Variants in VAV2 observed in about 807,000 individuals in gnomAD.
VAV2 encodes the protein guanine nucleotide exchange factor VAV2.
A neutral mutation model predicts 132.5 loss-of-function variants in VAV2; 67 were observed. The observed-to-expected ratio is 0.51, with a 90% CI of 0.42 to 0.62. The LOEUF (loss-of-function observed/expected upper bound fraction) is 0.62. Among genes scored for constraint, VAV2 ranks in the 20% least tolerant of loss-of-function variants. The pLI, the probability that VAV2 is intolerant of heterozygous loss-of-function variation, is 0.00. For missense variants in VAV2, 938 were observed against 1,153.6 expected (o/e 0.81, Z 2.71); for synonymous variants, 492 against 443.5 (o/e 1.11, Z -1.37).
chr9:133,867,285 GC>G (rs1378439498), intron 2 of VAV2, among the ~76,000 whole-genome samples: 1 of 152,224 alleles, frequency 6.6e-6, no homozygotes, highest in Non-Finnish European at 1.5e-5. Context: ...AGCCCATCTC[GC>G]CAGGTGGTGC....
intron 2 of VAV2, among the ~76,000 whole-genome samples, chr9:133,889,714 C>A (rs1026761079): frequency 2.6e-5 from 4 of 151,918 alleles, no homozygotes; most frequent in Admixed American, 2.0e-4. Context: ...GGGCACCCAA[C>A]GAGGCTCGGC....
chr9:133,892,472 CTGGGGAGGAGACAGAATTAA>C (rs1401719641), intron 2 of VAV2, among the ~76,000 whole-genome samples: 6 of 151,970 alleles, frequency 3.9e-5, no homozygotes, highest in African/African-American at 1.5e-4. Context: ...TATAAGCACA[CTGGGGAGGAGACAGAATTAA>C]GTCACTTGGC....
intron 2 of VAV2, among the ~76,000 whole-genome samples, chr9:133,870,637 C>T (rs980474722): frequency 6.6e-6 from 1 of 152,098 alleles, no homozygotes; most frequent in Non-Finnish European, 1.5e-5. Context: ...TTGTGTCTTA[C>T]ACTCTGTGGG....
At chr9:133,888,728 G>A (rs970778689) in intron 2 of VAV2, among the ~76,000 whole-genome samples, 3 of 152,206 alleles carry the variant, frequency 2.0e-5, no homozygotes, top group African/African-American at 7.2e-5. Context: ...TTAGTATCAT[G>A]AGCCTGAGCC....
intron 4 of VAV2, among the ~76,000 whole-genome samples, chr9:133,832,766 C>G (rs927254363): frequency 1.3e-5 from 2 of 152,098 alleles, no homozygotes; most frequent in Non-Finnish European, 2.9e-5. Flanking sequence ...ACCATGTTGG[C>G]CAGACTGGTC....
At chr9:133,980,592 G>A (rs990370892) in intron 1 of VAV2, among the ~76,000 whole-genome samples, 1 of 152,148 alleles carries the variant, frequency 6.6e-6, no homozygotes, top group Non-Finnish European at 1.5e-5. Context: ...CTTCTATCAC[G>A]CATCTCCCTG....
At chr9:133,954,909 A>G (rs1346627716) in intron 1 of VAV2, among the ~76,000 whole-genome samples, 1 of 152,198 alleles carries the variant, frequency 6.6e-6, no homozygotes, top group Non-Finnish European at 1.5e-5. Flanking sequence ...TCTGAACTCC[A>G]AACAGGTGGA....
At chr9:133,865,251 A>G (rs1488967708) in intron 2 of VAV2, among the ~76,000 whole-genome samples, 1 of 152,256 alleles carries the variant, frequency 6.6e-6, no homozygotes, top group African/African-American at 2.4e-5. Context: ...TAGACTGCGG[A>G]TTCACTGTAG....
At chr9:133,907,312 A>C in intron 2 of VAV2, among the ~76,000 whole-genome samples, 1 of 152,162 alleles carries the variant, frequency 6.6e-6, no homozygotes, top group East Asian at 1.9e-4. Flanking sequence ...CTCAGGCCAC[A>C]CCAGAGGAAG....
chr9:133,793,203 C>T (rs1834565997), intron 12 of VAV2, among the ~76,000 whole-genome samples: 1 of 152,176 alleles, frequency 6.6e-6, no homozygotes. Context: ...GTCCAGAAAA[C>T]GCAGTGTCCA....
chr9:133,985,439 C>T (rs752285372), intron 1 of VAV2, among the ~76,000 whole-genome samples: 3 of 152,086 alleles, frequency 2.0e-5, no homozygotes, highest in Non-Finnish European at 4.4e-5. Flanking sequence ...GTGCCACCAC[C>T]CCCGGCTAAT....
intron 1 of VAV2, among the ~76,000 whole-genome samples, chr9:133,947,134 C>A (rs1157546039): frequency 6.6e-6 from 1 of 152,194 alleles, no homozygotes; most frequent in Admixed American, 6.5e-5. Context: ...ACGTCAGGGG[C>A]CCCCAAGGAC....
At position 133,798,937 on chromosome 9, in the gene VAV2, C is replaced by T. The variant is rs1396273709; in HGVS notation, c.837-1128G>A. 2.0e-5 allele frequency among the ~76,000 whole-genome samples: 3 copies of T among 152,184 alleles called. 1 individual carries two copies. The highest frequency in any genetic ancestry group is 2.0e-4 in the Admixed American group (3 of 15,282). The stretch of plus-strand genomic sequence containing the variant: ...TTGGTGTCTGGAGGCTCCCCTGGCC[C>T]GGGAAGCCCAGGGCAGGCTCTTGGG... On this transcript the variant is annotated intron_variant, in intron 9 of 29. Transcript: ENST00000371850.
At chr9:133,805,377 G>A (rs1425939683) in intron 9 of VAV2, among the ~76,000 whole-genome samples, 1 of 152,152 alleles carries the variant, frequency 6.6e-6, no homozygotes, top group Non-Finnish European at 1.5e-5. Flanking sequence ...CTCCTCCAAA[G>A]GATCCCCGAG....
rs1199995741 is a variant in VAV2, at chr9:133,961,574, T to C, written c.205-22355A>G. 6.6e-6 allele frequency among the ~76,000 whole-genome samples: 1 copy of C among 152,176 alleles called. No individual in the cohort carries two copies. Among genetic ancestry groups the C allele is most frequent in the Non-Finnish European group, 1.5e-5 (1 of 68,032 alleles). On this transcript the variant is annotated intron_variant, in intron 1 of 29. Coordinates refer to ENST00000371850, the MANE Select transcript of VAV2 (RefSeq NM_001134398.2). This position sits in a 1 kb window ranked among gnomAD's most constrained non-coding sequence, Gnocchi z 4.1. ...AGCTGCTTCACCTCTCTGGGGTCTA[T>C]AATGCCCTCTGACCTCACAAAGACC...
chr9:133,885,649 C>T lies in VAV2; in HGVS notation c.322-24217G>A, dbSNP rs1458932150. On this transcript the variant is annotated intron_variant, in intron 2 of 29. Transcript: ENST00000371850. This position sits in a 1 kb window ranked among gnomAD's most constrained non-coding sequence, Gnocchi z 5.0. ...GGTGTGGTGTTCTGCTGGGCCCCCA[C>T]CTCCAATTTCCATCTAACAGCTCTG... Among the ~76,000 whole-genome samples the T allele has an allele frequency of 6.6e-6, 1 of 152,192 alleles. No homozygotes were observed. Among genetic ancestry groups the T allele is most frequent in the African/African-American group, 2.4e-5 (1 of 41,440 alleles).
At chr9:133,882,819 C>T (rs1355671841) in intron 2 of VAV2, among the ~76,000 whole-genome samples, 2 of 151,972 alleles carry the variant, frequency 1.3e-5, no homozygotes, top group African/African-American at 4.8e-5. Context: ...CCCTGGGGCC[C>T]CTGAACCCCT....
At chr9:133,832,801 C>T (rs527916784) in intron 4 of VAV2, among the ~76,000 whole-genome samples, 11 of 152,084 alleles carry the variant, frequency 7.2e-5, no homozygotes, top group Non-Finnish European at 1.3e-4. Context: ...TCAGGTGATC[C>T]GCCCGCCTCA....
At chr9:133,907,575 G>T (rs536234587) in intron 2 of VAV2, among the ~76,000 whole-genome samples, 1 of 152,318 alleles carries the variant, frequency 6.6e-6, no homozygotes, top group East Asian at 1.9e-4. Flanking sequence ...AAAGCCCCCT[G>T]GGAGATGTTT....
Sources: gnomAD v4.1 joint callset for allele counts (sites outside exome capture counted in the v4.1 genomes callset) on GRCh38, gnomAD v4.1.1 for gene constraint, Gnocchi (gnomAD v3.1) non-coding constraint, MANE v1.5 for transcripts, NCBI Gene and HGNC (gene_info 2026-07-23, HGNC 2026-07-21) for gene names.